DNMT1: variants seen among roughly 807,000 people sequenced by gnomAD.
DNMT1 encodes the protein DNA (cytosine-5)-methyltransferase 1.
A neutral mutation model predicts 205.3 loss-of-function variants in DNMT1; 24 were observed. That is an observed-to-expected ratio of 0.12 (90% CI 0.08 to 0.16). The LOEUF (loss-of-function observed/expected upper bound fraction) is 0.16, where lower values mean the gene tolerates loss of function less well. Among genes scored for constraint, DNMT1 ranks in the 10% least tolerant of loss-of-function variants. The probability of loss-of-function intolerance (pLI) is 1.00; values close to 1 mark genes in which losing one functional copy is unlikely to be tolerated. For synonymous variants in DNMT1, 817 were observed against 839.8 expected, an observed-to-expected ratio of 0.97 and a Z score of 0.47; for missense variants, 1,293 against 2,177.7, an observed-to-expected ratio of 0.59 and a Z score of 8.09.
chr19:10,168,220 G>T, intron 10 of DNMT1, 110 bp downstream of exon 10: 2 of 1,252,806 alleles, frequency 1.6e-6, no homozygotes, highest in East Asian at 2.3e-5. Flanking sequence ...CCACATAAGA[G>T]ACATATGATT....
At chr19:10,173,462 G>A (rs766776727) in intron 8 of DNMT1, among the ~76,000 whole-genome samples, 64 of 151,830 alleles carry the variant, frequency 4.2e-4, no homozygotes, top group Admixed American at 1.1e-3. Flanking sequence ...TGGTTGCCAT[G>A]GAAACACACG....
In DNMT1 at chr19:10,166,593, T is replaced by C. The variant is rs773873676; in HGVS notation, c.891+5A>G. 6.2e-7 allele frequency: 1 copy of C among 1,614,082 alleles called. No homozygotes were observed. Among genetic ancestry groups the C allele is most frequent in the East Asian group, 2.2e-5 (1 of 44,872 alleles). ...GGAGTTCAGAAACAAATAACCCGCC[T>C]TTACTTTCTCGTCTCCATCTTCGTC... is the stretch of plus-strand genomic sequence containing the variant. On this transcript the variant is annotated splice_donor_5th_base_variant and intron_variant, in intron 11 of 40. Transcript: ENST00000359526.
chr19:10,155,594 C>T (rs992434783), intron 19 of DNMT1, among the ~76,000 whole-genome samples: 9 of 152,054 alleles, frequency 5.9e-5, no homozygotes, highest in Admixed American at 1.3e-4. Context: ...CCCCCCAACT[C>T]GGCCTCCCAA....
chr19:10,192,438 T>C (rs1442576161), intron 1 of DNMT1, among the ~76,000 whole-genome samples: 1 of 151,926 alleles, frequency 6.6e-6, no homozygotes, highest in Non-Finnish European at 1.5e-5. Context: ...TTGTTTAAGG[T>C]CATTGAGCCA....
chr19:10,186,055 A>C (rs2039173525), intron 1 of DNMT1, among the ~76,000 whole-genome samples: 1 of 152,022 alleles, frequency 6.6e-6, no homozygotes, highest in Non-Finnish European at 1.5e-5. Flanking sequence ...CGCTGAGAAA[A>C]CTGGAAGGAC....
intron 37 of DNMT1, 126 bp downstream of exon 37, chr19:10,136,959 T>C: frequency 7.6e-7 from 1 of 1,316,864 alleles, no homozygotes; most frequent in Non-Finnish European, 1.1e-6. Flanking sequence ...AGCAGCTACC[T>C]TCTCTGGGAC....
intron 12 of DNMT1, 85 bp from the exon 13 acceptor site, chr19:10,162,833 G>T: frequency 7.0e-7 from 1 of 1,437,522 alleles, no homozygotes; most frequent in Non-Finnish European, 9.7e-7. Context: ...ACAAACTAAT[G>T]CCTCCCCATG....
chr19:10,156,810 G>A lies in DNMT1; in HGVS notation c.1281-301C>T, dbSNP rs908258083. 2.0e-5 allele frequency among the ~76,000 whole-genome samples: 3 copies of A among 151,850 alleles called. No individual in the cohort carries two copies. Among genetic ancestry groups the A allele is most frequent in the Admixed American group, 1.3e-4 (2 of 15,234 alleles). On this transcript the variant is annotated intron_variant, in intron 17 of 40. Transcript: ENST00000359526. The surrounding 1 kb of genome is among the most constrained non-coding windows in gnomAD (Gnocchi z 4.2). ...TTGTTGTATTTTTAGTAGGGACGGG[G>A]TTTCACTATGTGTAGCAGGCTGGTC... is the stretch of plus-strand genomic sequence containing the variant.
chr19:10,175,340 A>G (rs1321880115), intron 7 of DNMT1, among the ~76,000 whole-genome samples, 200 bp downstream of exon 7: 5 of 152,192 alleles, frequency 3.3e-5, no homozygotes, highest in Non-Finnish European at 4.4e-5. Context: ...AATTATATAT[A>G]TATACATACA....
intron 1 of DNMT1, among the ~76,000 whole-genome samples, chr19:10,186,393 T>C (rs570260267): frequency 3.3e-5 from 5 of 152,084 alleles, no homozygotes; most frequent in African/African-American, 1.2e-4. Context: ...ATGACACCGA[T>C]CACACCTGCT....
In DNMT1 at chr19:10,180,900, T is replaced by C. The variant is rs368800137; in HGVS notation, c.118-15A>G. 46 of 1,607,556 alleles carry C rather than the reference T, an allele frequency of 2.9e-5. No individual in the cohort carries two copies. In the Middle Eastern group the frequency reaches 5.0e-4, roughly 17 times the overall value. On this transcript the variant is annotated splice_polypyrimidine_tract_variant and intron_variant, in intron 2 of 40. Coordinates refer to ENST00000359526, the MANE Select transcript of DNMT1 (RefSeq NM_001130823.3). ...TTCACACATTCCTAAGGGAAGGATA[T>C]AGGTTTAGCAGTACCCACATTCCCA...
intron 12 of DNMT1, 120 bp downstream of exon 12, chr19:10,163,206 A>AT: frequency 9.1e-7 from 1 of 1,104,570 alleles, no homozygotes; most frequent in East Asian, 2.4e-5. Flanking sequence ...ACCTCAGGTG[A>AT]TTCACCCACC....
At chr19:10,143,731 T>C (rs749068338) in intron 29 of DNMT1, 35 bp downstream of exon 29, 1 of 1,609,992 alleles carries the variant, frequency 6.2e-7, no homozygotes, top group Non-Finnish European at 8.5e-7. Context: ...TAGAAGAGTC[T>C]GTGGCCTCGT....
At position 10,137,224 on chromosome 19, in the gene DNMT1, T is replaced by G; in HGVS notation, c.4350A>C (p.Ser1450=). ...CGATGTTGGGCAGATCGCGCCAGTC[T>G]GACCCTGGGGCCAAGGGGATGTGCC... ...RMRHIPLAPG[S]DWRDLPNIEV... is the part of the protein sequence containing the mutation. Residue 1450 remains serine (S), a synonymous_variant, in exon 37 of 41, where the codon TCA becomes TCC. Transcript: ENST00000359526. This position sits in a 1 kb window ranked among gnomAD's most constrained non-coding sequence, Gnocchi z 6.4. 1.2e-6 allele frequency: 2 copies of G among 1,611,184 alleles called. No homozygotes were observed. Among genetic ancestry groups the G allele is most frequent in the Non-Finnish European group, 1.7e-6 (2 of 1,179,418 alleles).
At chr19:10,134,835 G>A (rs1005050285) in intron 39 of DNMT1, among the ~76,000 whole-genome samples, 2 of 150,676 alleles carry the variant, frequency 1.3e-5, no homozygotes, top group South Asian at 2.1e-4. Flanking sequence ...TCCAGCCTAG[G>A]GGACAGAGTG....
chr19:10,178,826 T>C (rs1160719335), intron 5 of DNMT1: 2 of 151,104 alleles, frequency 1.3e-5, no homozygotes, highest in Non-Finnish European at 2.9e-5. Context: ...TTGTTTGTTT[T>C]TTAAAAAATT....
At position 10,140,938 on chromosome 19, in the gene DNMT1, C is replaced by T. The variant is rs751028801; in HGVS notation, c.3395-29G>A. ...GGGGAGAGAGGCCAGAGGCTAAACCCGATCCTCAGAGTCCAAGTCCACCTT... is the reference window on the plus strand; with the variant it reads ...GGGGAGAGAGGCCAGAGGCTAAACCTGATCCTCAGAGTCCAAGTCCACCTT... On this transcript the variant is annotated intron_variant, in intron 31 of 40. Transcript: ENST00000359526. The surrounding 1 kb of genome is among the most constrained non-coding windows in gnomAD (Gnocchi z 8.4). The T allele has an allele frequency of 3.2e-5, 51 of 1,613,742 alleles. No individual in the cohort carries two copies. Among genetic ancestry groups the T allele is most frequent in the Non-Finnish European group, 4.2e-5 (49 of 1,180,038 alleles).
At position 10,133,718 on chromosome 19, in the gene DNMT1, G is replaced by A; in HGVS notation, c.4865-17C>T. The A allele has an allele frequency of 1.3e-6, 2 of 1,583,566 alleles. No homozygotes were observed. Among genetic ancestry groups the A allele is most frequent in the East Asian group, 2.3e-5 (1 of 43,344 alleles). On this transcript the variant is annotated splice_polypyrimidine_tract_variant and intron_variant, in intron 40 of 40. Coordinates refer to ENST00000359526, the MANE Select transcript of DNMT1 (RefSeq NM_001130823.3). The surrounding 1 kb of genome is among the most constrained non-coding windows in gnomAD (Gnocchi z 4.1). Reference sequence around the variant, plus strand: ...TTATTTTAGCTGAAGGGAAATAAAAGGAAAAGTCACTCTGGGGAACACGCC... The same window carrying A: ...TTATTTTAGCTGAAGGGAAATAAAAAGAAAAGTCACTCTGGGGAACACGCC...
chr19:10,190,397 G>A (rs993141958), intron 1 of DNMT1, among the ~76,000 whole-genome samples: 3 of 151,990 alleles, frequency 2.0e-5, no homozygotes, highest in African/African-American at 4.8e-5. Flanking sequence ...GGCACCATGC[G>A]GGATACACCG....
Sources: allele counts gnomAD v4.1 joint callset (sites outside exome capture counted in the v4.1 genomes callset), GRCh38; gene constraint gnomAD v4.1.1; non-coding constraint Gnocchi (gnomAD v3.1); transcripts MANE v1.5; gene names NCBI Gene and HGNC (gene_info 2026-07-23, HGNC 2026-07-21).